MAGI1: variants seen among roughly 807,000 people sequenced by gnomAD.
The protein encoded by MAGI1 is membrane associated guanylate kinase, WW and PDZ domain containing 1.
A neutral mutation model predicts 139.9 loss-of-function variants in MAGI1; 58 were observed. The observed-to-expected ratio is 0.41, with a 90% CI of 0.34 to 0.52. The LOEUF (loss-of-function observed/expected upper bound fraction) is 0.52. MAGI1 is among the 20% of genes least tolerant of loss of function. The pLI, the probability that MAGI1 is intolerant of heterozygous loss-of-function variation, is 0.12. For synonymous variants in MAGI1, 812 were observed against 737.9 expected, an observed-to-expected ratio of 1.10 and a Z score of -1.63; for missense variants, 1,874 against 1,901.6, an observed-to-expected ratio of 0.99 and a Z score of 0.27.
intron 1 of MAGI1, among the ~76,000 whole-genome samples, chr3:65,697,144 A>C (rs910183031): frequency 6.6e-6 from 1 of 152,026 alleles, no homozygotes; most frequent in Non-Finnish European, 1.5e-5. Flanking sequence ...TAAATTCCTC[A>C]ACACATACAC....
intron 1 of MAGI1, among the ~76,000 whole-genome samples, chr3:65,758,864 C>T (rs2036770614): frequency 6.6e-6 from 1 of 152,062 alleles, no homozygotes; most frequent in African/African-American, 2.4e-5. Flanking sequence ...CTCCAACAAA[C>T]ACCTCCAAGA....
intron 12 of MAGI1, among the ~76,000 whole-genome samples, chr3:65,407,639 A>G (rs1294611190): frequency 6.6e-6 from 1 of 152,210 alleles, no homozygotes; most frequent in Non-Finnish European, 1.5e-5. Flanking sequence ...TAGAATATAT[A>G]AACTCATTGT....
chr3:65,466,152 A>T (rs1020406628), intron 5 of MAGI1, among the ~76,000 whole-genome samples: 3 of 152,128 alleles, frequency 2.0e-5, no homozygotes, highest in African/African-American at 7.2e-5. Flanking sequence ...TGGCTTAAGC[A>T]TGGTATAACT....
At chr3:65,801,226 C>T (rs1320262550) in intron 1 of MAGI1, among the ~76,000 whole-genome samples, 2 of 152,092 alleles carry the variant, frequency 1.3e-5, no homozygotes, top group Non-Finnish European at 1.5e-5. Flanking sequence ...ATTTCAAGAA[C>T]AGCATGGGTT....
At chr3:65,626,349 G>C (rs1040371640) in intron 1 of MAGI1, among the ~76,000 whole-genome samples, 2 of 152,092 alleles carry the variant, frequency 1.3e-5, no homozygotes, top group Non-Finnish European at 2.9e-5. Context: ...TTTGGAGACA[G>C]AGTCTTACCC....
intron 6 of MAGI1, chr3:65,452,490 C>A (rs1341253157): frequency 1.3e-5 from 2 of 152,266 alleles, no homozygotes; most frequent in Non-Finnish European, 2.9e-5. Context: ...CAAACCATTT[C>A]CCTTTTCATT....
At chr3:65,549,874 G>C (rs2079737814) in intron 2 of MAGI1, among the ~76,000 whole-genome samples, 1 of 151,980 alleles carries the variant, frequency 6.6e-6, no homozygotes. Flanking sequence ...AATACAGCAG[G>C]AAGAGAGCTG....
chr3:65,859,927 A>G (rs1164566717), intron 1 of MAGI1, among the ~76,000 whole-genome samples: 1 of 149,230 alleles, frequency 6.7e-6, no homozygotes, highest in Admixed American at 6.7e-5. Context: ...TTTGAGACAC[A>G]ATTTTGCTAT....
intron 1 of MAGI1, among the ~76,000 whole-genome samples, chr3:65,655,811 G>A (rs1382630870): frequency 6.6e-6 from 1 of 152,170 alleles, no homozygotes; most frequent in East Asian, 1.9e-4. Context: ...TTCCAATGTT[G>A]AATTCCAATG....
intron 1 of MAGI1, among the ~76,000 whole-genome samples, chr3:65,880,925 G>C (rs2060302209): frequency 6.6e-6 from 1 of 152,022 alleles, no homozygotes; most frequent in Non-Finnish European, 1.5e-5. Context: ...GTGTGTGTGT[G>C]TGTGTGTGTA....
chr3:65,626,522 C>A (rs2083979884), intron 1 of MAGI1, among the ~76,000 whole-genome samples: 1 of 151,938 alleles, frequency 6.6e-6, no homozygotes. Flanking sequence ...CAGGTTCTCA[C>A]TATGTTGCCT....
chr3:65,918,743 T>C (rs561207938), intron 1 of MAGI1, among the ~76,000 whole-genome samples: 1 of 152,284 alleles, frequency 6.6e-6, no homozygotes, highest in South Asian at 2.1e-4. Context: ...TATTGCTTGG[T>C]GACTACGCAG....
At chr3:65,631,138 A>G (rs2084278634) in intron 1 of MAGI1, among the ~76,000 whole-genome samples, 1 of 152,238 alleles carries the variant, frequency 6.6e-6, no homozygotes, top group Non-Finnish European at 1.5e-5. Context: ...GTGTCTAGGA[A>G]GAAGGACAGG....
At chr3:66,025,355 A>G (rs916424288) in intron 1 of MAGI1, among the ~76,000 whole-genome samples, 6 of 151,040 alleles carry the variant, frequency 4.0e-5, no homozygotes, top group Admixed American at 1.3e-4. Flanking sequence ...CCTGAGCAAG[A>G]CAGTGAAACC....
intron 2 of MAGI1, among the ~76,000 whole-genome samples, chr3:65,497,218 G>T (rs1425727203): frequency 6.6e-6 from 1 of 152,094 alleles, no homozygotes. Context: ...GAGACAGAAA[G>T]ATAAAATCTA....
At chr3:66,028,488 G>A (rs1445592062) in intron 1 of MAGI1, among the ~76,000 whole-genome samples, 1 of 151,258 alleles carries the variant, frequency 6.6e-6, no homozygotes. Flanking sequence ...GAACCCAGGC[G>A]GTCTGACTCC....
At chr3:65,662,698 CTCT>C (rs1442348493) in intron 1 of MAGI1, among the ~76,000 whole-genome samples, 3 of 152,124 alleles carry the variant, frequency 2.0e-5, no homozygotes, top group African/African-American at 7.2e-5. Flanking sequence ...ACATAGTCAC[CTCT>C]TTTTTTGTGT....
chr3:65,961,546 T>C (rs899230194), intron 1 of MAGI1, among the ~76,000 whole-genome samples: 1 of 152,188 alleles, frequency 6.6e-6, no homozygotes, highest in Non-Finnish European at 1.5e-5. Context: ...GCATTCAACA[T>C]AGAAAGACCC....
chr3:65,885,918 A>G (rs1315245658), intron 1 of MAGI1, among the ~76,000 whole-genome samples: 1 of 152,248 alleles, frequency 6.6e-6, no homozygotes, highest in East Asian at 1.9e-4. Context: ...GCATGTGTAT[A>G]CATGCATACA....
Sources: allele counts gnomAD v4.1 joint callset (sites outside exome capture counted in the v4.1 genomes callset), GRCh38; gene constraint gnomAD v4.1.1; transcripts MANE v1.5; gene names NCBI Gene and HGNC (gene_info 2026-07-23, HGNC 2026-07-21).